KANTR: variants seen among roughly 807,000 people sequenced by gnomAD.
KANTR encodes the protein KDM5C adjacent transcript.
At chrX:53,140,500 C>CAAAAAA (rs782805364) in intron 2 of KANTR, among the ~76,000 whole-genome samples, 2 of 42,461 alleles carry the variant, frequency 4.7e-5, no homozygotes, top group East Asian at 7.9e-4. Context: ...GACTCTGTCT[C>CAAAAAA]AAAAAAAAAA....
At chrX:53,144,133 G>A (rs1556818934), downstream of KANTR, among the ~76,000 whole-genome samples, 1 of 111,881 alleles carries the variant, frequency 8.9e-6, no homozygotes, top group Non-Finnish European at 1.9e-5. Context: ...GGGTGGCTAC[G>A]CCTGTAATCC....
At chrX:53,104,011 G>GA (rs1459775807) in intron 2 of KANTR, among the ~76,000 whole-genome samples, 1 of 110,550 alleles carries the variant, frequency 9.0e-6, no homozygotes, top group African/African-American at 3.3e-5. Context: ...ACTTCATTGA[G>GA]ATGCATGTCG....
intron 1 of KANTR, among the ~76,000 whole-genome samples, chrX:53,097,178 A>G (rs1556810992): frequency 2.7e-5 from 3 of 110,038 alleles, no homozygotes; most frequent in Non-Finnish European, 5.7e-5. Context: ...AGTGAGAACC[A>G]TTGCTTAAGT....
chrX:53,105,878 G>A (rs1159133082), intron 2 of KANTR, among the ~76,000 whole-genome samples: 3 of 68,319 alleles, frequency 4.4e-5, no homozygotes. Context: ...TTTTTTTTGA[G>A]ACAGAGTCTC....
At chrX:53,123,068 TTATAAA>T (rs782532948) in intron 2 of KANTR, among the ~76,000 whole-genome samples, 1 of 112,014 alleles carries the variant, frequency 8.9e-6, no homozygotes, top group African/African-American at 3.2e-5. Context: ...AGTGTTAAAC[TTATAAA>T]TTAAAATATT....
intron 2 of KANTR, among the ~76,000 whole-genome samples, chrX:53,102,002 A>G (rs1932898785): frequency 9.4e-6 from 1 of 106,058 alleles, no homozygotes; most frequent in South Asian, 3.9e-4. Flanking sequence ...CCCTGTCTCA[A>G]AAAAAAAAAA....
At position 53,120,990 on chromosome X, in the gene KANTR, G is replaced by GT. The variant is rs1231227818; in HGVS notation, c.-804-2470dup. On this transcript the variant is annotated intron_variant, in intron 2 of 2. Coordinates refer to ENST00000604062, the Ensembl canonical transcript of KANTR. ...ACCCGCTTCAGCCTCCCAAGGTGTT[G>GT]TTTTTTTTTGTTTGTTTTTGTTTTT... Among the ~76,000 whole-genome samples, 15 of 103,023 alleles carry GT rather than the reference G, an allele frequency of 1.5e-4. 1 individual carries two copies. The highest frequency in any genetic ancestry group is 3.6e-4 in the African/African-American group (10 of 28,038). The allele number at this position is 103,023 out of a possible 115,157, so 89.5% of individuals were successfully genotyped here.
At chrX:53,105,346 T>C (rs1269840662) in intron 2 of KANTR, among the ~76,000 whole-genome samples, 1 of 112,213 alleles carries the variant, frequency 8.9e-6, no homozygotes, top group African/African-American at 3.2e-5. Flanking sequence ...TGGTGTCTCA[T>C]TGTAGTTTTG....
intron 2 of KANTR, among the ~76,000 whole-genome samples, chrX:53,101,155 C>T (rs5978142): frequency 1.8e-5 from 2 of 112,025 alleles, no homozygotes; most frequent in African/African-American, 6.5e-5. Context: ...CTCATGTGTT[C>T]GCTGGAGTAG....
rs963714029 is a variant in KANTR at position 53,136,396 on chromosome X, G to A, written n.204-5452G>A. Among the ~76,000 whole-genome samples, 4 of 105,759 alleles carry A rather than the reference G, an allele frequency of 3.8e-5. No individual in the cohort carries two copies. In the South Asian group the frequency reaches 1.3e-3, roughly 35 times the overall value. The allele number at this position is 105,759 out of a possible 115,157, so 91.8% of individuals were successfully genotyped here. A position where few individuals can be genotyped will look rare whatever the true frequency, so the allele number is the denominator to read the frequency against. On this transcript the variant is annotated intron_variant and non_coding_transcript_variant, in intron 2 of 2. Transcript: ENST00000366185. Reference sequence around the variant, plus strand: ...TAGGACTACAGGTGTAAACTACCACGCCTGGCTGATTTTGTATTTTTACTA... The same window carrying A: ...TAGGACTACAGGTGTAAACTACCACACCTGGCTGATTTTGTATTTTTACTA...
At chrX:53,104,442 G>A (rs903148556) in intron 2 of KANTR, among the ~76,000 whole-genome samples, 2 of 109,478 alleles carry the variant, frequency 1.8e-5, no homozygotes, top group Non-Finnish European at 3.8e-5. Context: ...GGCCAGGGTG[G>A]TCTCAAACTC....
At chrX:53,100,642 A>G (rs1430641346) in intron 2 of KANTR, among the ~76,000 whole-genome samples, 2 of 110,528 alleles carry the variant, frequency 1.8e-5, no homozygotes, top group Non-Finnish European at 3.8e-5. Flanking sequence ...TACTAAAAGT[A>G]CAAAAATTGG....
At chrX:53,143,074 A>T (rs1328048954), downstream of KANTR, 7 of 1,201,374 alleles carry the variant, frequency 5.8e-6, no homozygotes, top group East Asian at 1.8e-4. Flanking sequence ...ACACTTCATG[A>T]TGGAGTTGAA....
At chrX:53,122,891 G>T (rs1438514160) in intron 2 of KANTR, among the ~76,000 whole-genome samples, 1 of 111,058 alleles carries the variant, frequency 9.0e-6, no homozygotes, top group African/African-American at 3.3e-5. Flanking sequence ...CCTTTCTCAG[G>T]CTGTTCTTAT....
At chrX:53,144,547 T>G (rs61464943), downstream of KANTR, among the ~76,000 whole-genome samples, 7,432 of 110,772 alleles carry the variant, frequency 0.067, 599 homozygotes, top group African/African-American at 0.23. Flanking sequence ...AATACAAAAA[T>G]TAGCCGGGCA....
At chrX:53,103,120 G>A (rs1932909411) in intron 2 of KANTR, among the ~76,000 whole-genome samples, 2 of 108,711 alleles carry the variant, frequency 1.8e-5, no homozygotes, top group Non-Finnish European at 3.8e-5. Flanking sequence ...GAGTAGCTGA[G>A]ATTACAGGCG....
At chrX:53,106,369 G>A (rs891339454) in intron 2 of KANTR, among the ~76,000 whole-genome samples, 14 of 109,583 alleles carry the variant, frequency 1.3e-4, no homozygotes, top group Non-Finnish European at 1.5e-4. Flanking sequence ...GAATTTTATC[G>A]TTTTAGCTCT....
chrX:53,146,655 A>AG (rs1202529044), downstream of KANTR, among the ~76,000 whole-genome samples: 4 of 111,375 alleles, frequency 3.6e-5, no homozygotes, highest in Non-Finnish European at 7.5e-5. Flanking sequence ...GAGCAACTCC[A>AG]AGACACATAA....
At chrX:53,143,450 G>C (rs1602130493), downstream of KANTR, 3 of 600,983 alleles carry the variant, frequency 5.0e-6, no homozygotes, top group East Asian at 3.4e-5. Flanking sequence ...CCTGTCTCCA[G>C]AGTCCATGAC....
Sources: gnomAD v4.1 joint callset for allele counts (sites outside exome capture counted in the v4.1 genomes callset) on GRCh38, gnomAD v4.1.1 for gene constraint, MANE v1.5 for transcripts, NCBI Gene and HGNC (gene_info 2026-07-23, HGNC 2026-07-21) for gene names.